STK24: variants seen among roughly 807,000 people sequenced by gnomAD.
The protein encoded by STK24 is serine/threonine kinase 24, also known as serine/threonine-protein kinase 24.
In STK24, 21 loss-of-function variants were observed where a neutral mutation model predicts 55.6. The observed-to-expected ratio is 0.38, with a 90% CI of 0.27 to 0.54. The LOEUF (loss-of-function observed/expected upper bound fraction) is 0.54. Among genes scored for constraint, STK24 ranks in the 20% least tolerant of loss-of-function variants. The probability of loss-of-function intolerance (pLI) is 0.79; values close to 1 mark genes in which losing one functional copy is unlikely to be tolerated. For synonymous variants in STK24, 200 were observed against 215.2 expected (o/e 0.93, Z 0.62); for missense variants, 383 against 538.4 (o/e 0.71, Z 2.86).
rs189159886 is a variant in STK24, at chr13:98,445,637, G to A, written c.*7536C>T. 163 of 154,168 alleles carry A rather than the reference G, an allele frequency of 1.1e-3. No individual in the cohort carries two copies. Among genetic ancestry groups the A allele is most frequent in the Non-Finnish European group, 1.9e-3 (133 of 69,362 alleles). 9.6% of individuals were successfully genotyped at this position (154,168 alleles called of 1,614,324 possible). ...TGGATCTTTCCCTCCTTCAGCTTCCGCCTGCTGGCAATGCATGGGGTCCTG... is the reference window on the plus strand; with the variant it reads ...TGGATCTTTCCCTCCTTCAGCTTCCACCTGCTGGCAATGCATGGGGTCCTG... On this transcript the variant is annotated 3_prime_UTR_variant, in exon 11 of 11. Coordinates refer to ENST00000539966, the MANE Select transcript of STK24 (RefSeq NM_001032296.4).
At chr13:98,538,262 G>C (rs1423574024) in intron 1 of STK24, among the ~76,000 whole-genome samples, 1 of 117,612 alleles carries the variant, frequency 8.5e-6, no homozygotes, top group African/African-American at 3.3e-5. Flanking sequence ...GTCTCGCTCT[G>C]TTGACCAGGC....
At chr13:98,463,961 C>T in intron 6 of STK24, 125 bp from the exon 7 acceptor site, 1 of 1,123,476 alleles carries the variant, frequency 8.9e-7, no homozygotes, top group Admixed American at 2.2e-5. Context: ...CTCTACTCCA[C>T]AGCGCTTCTC....
chr13:98,523,079 C>G (rs1038167547), intron 1 of STK24, among the ~76,000 whole-genome samples: 1 of 152,192 alleles, frequency 6.6e-6, no homozygotes, highest in African/African-American at 2.4e-5. Flanking sequence ...CTGATTCAGT[C>G]AACCGGGGGT....
chr13:98,486,287 C>G (rs760190971), intron 2 of STK24, among the ~76,000 whole-genome samples: 1 of 151,936 alleles, frequency 6.6e-6, no homozygotes, highest in Non-Finnish European at 1.5e-5. Flanking sequence ...GGGCCGCACT[C>G]GCGCCACACC....
chr13:98,534,532 A>G (rs1273267308), intron 1 of STK24, among the ~76,000 whole-genome samples: 2 of 152,218 alleles, frequency 1.3e-5, no homozygotes, highest in Admixed American at 6.5e-5. Context: ...ATTAGAAATT[A>G]TGGTTTAGGG....
chr13:98,515,217 T>C lies in STK24; in HGVS notation c.273+4026A>G, dbSNP rs186666993. Reference sequence around the variant, plus strand: ...CACCATCCTGTTCTCGTTACAATTATATGTCTTCACTGCCTAATTAAAATA... The same window carrying C: ...CACCATCCTGTTCTCGTTACAATTACATGTCTTCACTGCCTAATTAAAATA... On this transcript the variant is annotated intron_variant, in intron 2 of 10. Transcript: ENST00000539966. Among the ~76,000 whole-genome samples the C allele has an allele frequency of 3.5e-4, 53 of 152,156 alleles. No individual in the cohort carries two copies. In the East Asian group the frequency reaches 9.8e-3, roughly 28 times the overall value.
intron 1 of STK24, among the ~76,000 whole-genome samples, chr13:98,537,434 T>A (rs1224120877): frequency 6.6e-6 from 1 of 152,114 alleles, no homozygotes; most frequent in Non-Finnish European, 1.5e-5. Flanking sequence ...CCCCATCAGC[T>A]GAATAAACAA....
chr13:98,523,200 A>G (rs191985747), intron 1 of STK24, among the ~76,000 whole-genome samples: 1 of 152,248 alleles, frequency 6.6e-6, no homozygotes, highest in Admixed American at 6.5e-5. Context: ...CAGCCCCAAC[A>G]TGCCACTAAA....
intron 1 of STK24, among the ~76,000 whole-genome samples, chr13:98,547,591 G>T (rs1175719529): frequency 5.9e-5 from 9 of 152,188 alleles, no homozygotes; most frequent in Non-Finnish European, 1.3e-4. Context: ...AAGTCAATAG[G>T]TTGTTTGCAG....
intron 1 of STK24, among the ~76,000 whole-genome samples, chr13:98,525,991 C>T (rs1383949470): frequency 1.3e-5 from 2 of 152,226 alleles, no homozygotes; most frequent in Non-Finnish European, 2.9e-5. Flanking sequence ...GCCACCACGC[C>T]CGCCCGACCT....
chr13:98,457,227 C>G lies in STK24; in HGVS notation c.1200G>C (p.Glu400Asp). ...EELRGAIYLA[E>D]EACPGISDTM... ...TGTCGGAGATGCCAGGGCACGCCTC[C>G]TCCGCTAGGTAGATGGCCCCTCGCA... Residue 400 changes from glutamate to aspartate, a missense_variant, in exon 10 of 11, where the codon GAG (glutamate) becomes GAC (aspartate). Physicochemically the swap from Glu to Asp is conservative, Grantham distance 45. Transcript: ENST00000539966. The G allele has an allele frequency of 6.2e-7, 1 of 1,613,336 alleles. No individual in the cohort carries two copies. Among genetic ancestry groups the G allele is most frequent in the South Asian group, 1.1e-5 (1 of 91,036 alleles).
chr13:98,558,883 G>A (rs1165850752), intron 1 of STK24, among the ~76,000 whole-genome samples: 3 of 151,738 alleles, frequency 2.0e-5, no homozygotes, highest in Non-Finnish European at 4.4e-5. Context: ...TATATCCCTA[G>A]GCTGGGCACG....
intron 1 of STK24, among the ~76,000 whole-genome samples, chr13:98,543,300 G>A (rs1399025000): frequency 4.6e-5 from 7 of 152,138 alleles, no homozygotes; most frequent in African/African-American, 1.7e-4. Context: ...ACTTAACTGC[G>A]GCTCTCTCAG....
In STK24 at chr13:98,446,031, A is replaced by C; in HGVS notation, c.*7142T>G. 1 of 1,065,790 alleles carries C rather than the reference A, an allele frequency of 9.4e-7. No homozygotes were observed. The highest frequency in any genetic ancestry group is 2.4e-5 in the East Asian group (1 of 42,076). The allele number at this position is 1,065,790 out of a possible 1,614,324, so 66.0% of individuals were successfully genotyped here. ...CAGCCCAGGGCCCTGGTGCAGGGAG[A>C]GCTGCTCTCTGTGCCCTCCTGGGGC... On this transcript the variant is annotated 3_prime_UTR_variant, in exon 11 of 11. Coordinates refer to ENST00000539966, the MANE Select transcript of STK24 (RefSeq NM_001032296.4).
At position 98,447,030 on chromosome 13, in the gene STK24, G is replaced by C. The variant is rs80285975; in HGVS notation, c.*6143C>G. 2 of 539,898 alleles carry C rather than the reference G, an allele frequency of 3.7e-6. No individual in the cohort carries two copies. Among genetic ancestry groups the C allele is most frequent in the Non-Finnish European group, 6.6e-6 (2 of 301,786 alleles). 33.4% of individuals were successfully genotyped at this position (539,898 alleles called of 1,614,324 possible). A position where few individuals can be genotyped will look rare whatever the true frequency, so the allele number is the denominator to read the frequency against. ...ACTTCCCTGCGCCCTTACCCTGCAC[G>C]GTGTTGGCTGAGGCCCTAGACATCT... On this transcript the variant is annotated 3_prime_UTR_variant, in exon 11 of 11. Transcript: ENST00000539966.
intron 1 of STK24, among the ~76,000 whole-genome samples, chr13:98,540,215 C>G (rs1367595570): frequency 1.3e-5 from 2 of 152,204 alleles, no homozygotes; most frequent in Non-Finnish European, 2.9e-5. Context: ...AGGGTGGGAA[C>G]AGAGATCACC....
chr13:98,565,648 A>T (rs554278589), intron 1 of STK24, among the ~76,000 whole-genome samples: 5 of 151,620 alleles, frequency 3.3e-5, no homozygotes, highest in African/African-American at 9.7e-5. Flanking sequence ...AAAAAAAAAA[A>T]ATTATATTCG....
At chr13:98,512,949 C>A (rs1262892696) in intron 2 of STK24, among the ~76,000 whole-genome samples, 1 of 152,248 alleles carries the variant, frequency 6.6e-6, no homozygotes, top group African/African-American at 2.4e-5. Context: ...ACCGGGGTCA[C>A]TGCCAACACT....
chr13:98,496,094 C>T (rs150499569), intron 2 of STK24, among the ~76,000 whole-genome samples: 1 of 152,238 alleles, frequency 6.6e-6, no homozygotes, highest in African/African-American at 2.4e-5. Flanking sequence ...TACACTCATG[C>T]GGGAGGGGAC....
Sources: gnomAD v4.1 joint callset for allele counts (sites outside exome capture counted in the v4.1 genomes callset) on GRCh38, gnomAD v4.1.1 for gene constraint, MANE v1.5 for transcripts, NCBI Gene and HGNC (gene_info 2026-07-23, HGNC 2026-07-21) for gene names.